Variants in DRC8 observed in about 807,000 individuals in gnomAD.
DRC8 encodes dynein regulatory complex subunit 8.
At chr1:245,082,118 C>T in the DRC8 span, 6,786 of 1,612,568 alleles carry the variant, frequency 4.2e-3, 44 homozygotes, top group Admixed American at 0.029. Context: ...ACATTCGATT[C>T]GAAAAATTTC....
chr1:244,970,049 T>C, the DRC8 span: 25 of 627,744 alleles, frequency 4.0e-5, no homozygotes, highest in African/African-American at 1.8e-4. Context: ...GAGGGGTGTG[T>C]GCGCGCGCGT....
chr1:244,996,001 G>A, the DRC8 span, among the ~76,000 whole-genome samples: 2 of 152,166 alleles, frequency 1.3e-5, no homozygotes, highest in African/African-American at 4.8e-5. Context: ...CATCTATTTT[G>A]TGGTAACAAA....
At chr1:245,124,407 A>C in the DRC8 span, 1 of 152,248 alleles carries the variant, frequency 6.6e-6, no homozygotes, top group African/African-American at 2.4e-5. Flanking sequence ...CTAGGTGTCC[A>C]GCCCCAGGAC....
the DRC8 span, among the ~76,000 whole-genome samples, chr1:245,034,857 A>C: frequency 3.1e-5 from 3 of 98,322 alleles, no homozygotes; most frequent in East Asian, 1.3e-3. Flanking sequence ...CCAATAAATG[A>C]AAGTTTTTTT....
chr1:245,019,928 G>T, the DRC8 span, among the ~76,000 whole-genome samples: 4 of 152,190 alleles, frequency 2.6e-5, no homozygotes, highest in African/African-American at 4.8e-5. Flanking sequence ...TTGCACCACT[G>T]CACTCCAGCC....
At chr1:245,109,706 A>G in the DRC8 span, among the ~76,000 whole-genome samples, 3 of 152,244 alleles carry the variant, frequency 2.0e-5, no homozygotes, top group African/African-American at 7.2e-5. Context: ...AGGTAAGGAA[A>G]TCACAGCTCG....
At chr1:245,124,624 G>A in the DRC8 span, 1 of 152,108 alleles carries the variant, frequency 6.6e-6, no homozygotes, top group South Asian at 2.1e-4. Flanking sequence ...AGAATCACAA[G>A]GCTTTTGTTT....
chr1:245,104,605 C>A, the DRC8 span, among the ~76,000 whole-genome samples: 2 of 152,100 alleles, frequency 1.3e-5, no homozygotes, highest in African/African-American at 4.8e-5. Flanking sequence ...TTCACCTATT[C>A]TCCCTCAACA....
the DRC8 span, among the ~76,000 whole-genome samples, chr1:245,041,740 G>A: frequency 2.4e-4 from 36 of 152,174 alleles, no homozygotes; most frequent in African/African-American, 8.7e-4. Context: ...CATTGGGGTG[G>A]GCCCTAATCC....
the DRC8 span, among the ~76,000 whole-genome samples, chr1:244,987,590 C>T: frequency 1.3e-5 from 2 of 151,598 alleles, no homozygotes; most frequent in Non-Finnish European, 2.9e-5. Flanking sequence ...ACTATTCCTA[C>T]CACCTCTCTC....
the DRC8 span, among the ~76,000 whole-genome samples, chr1:245,005,623 G>A: frequency 6.6e-6 from 1 of 152,110 alleles, no homozygotes; most frequent in Non-Finnish European, 1.5e-5. Flanking sequence ...GATTACAGGC[G>A]TGAGCCACTG....
the DRC8 span, among the ~76,000 whole-genome samples, chr1:245,056,678 C>T: frequency 6.6e-6 from 1 of 152,164 alleles, no homozygotes; most frequent in Non-Finnish European, 1.5e-5. Context: ...TGGCTCACGC[C>T]TGTAATCCCA....
chr1:245,120,835 G>T, the DRC8 span, among the ~76,000 whole-genome samples: 1 of 152,214 alleles, frequency 6.6e-6, no homozygotes, highest in African/African-American at 2.4e-5. Flanking sequence ...AATGCAATTT[G>T]GGCAGATTAC....
chr1:245,113,910 C>T, the DRC8 span, among the ~76,000 whole-genome samples: 1 of 152,116 alleles, frequency 6.6e-6, no homozygotes, highest in South Asian at 2.1e-4. Flanking sequence ...CAGACCTGCC[C>T]GACTCCACGG....
At chr1:245,087,690 G>A in the DRC8 span, 8 of 1,028,864 alleles carry the variant, frequency 7.8e-6, no homozygotes, top group Non-Finnish European at 9.3e-6. Context: ...AATTACCCAA[G>A]GTTTGGCATG....
chr1:245,010,685 T>C, the DRC8 span, among the ~76,000 whole-genome samples: 25 of 148,110 alleles, frequency 1.7e-4, no homozygotes, highest in East Asian at 1.8e-3. Flanking sequence ...TTCTTTCTTT[T>C]TTTTTTTTTT....
the DRC8 span, chr1:245,122,355 G>A: frequency 6.4e-6 from 1 of 155,088 alleles, no homozygotes; most frequent in African/African-American, 2.4e-5. Context: ...GAGGCAGAGT[G>A]ACTTAGTAGC....
At chr1:245,015,676 C>T in the DRC8 span, 58 of 217,598 alleles carry the variant, frequency 2.7e-4, no homozygotes, top group South Asian at 2.8e-3. Flanking sequence ...AGCCACTGCA[C>T]TCCAACCTGG....
the DRC8 span, among the ~76,000 whole-genome samples, chr1:245,048,569 A>T: frequency 6.6e-6 from 1 of 152,024 alleles, no homozygotes; most frequent in Admixed American, 6.6e-5. Context: ...TCTAAACGGT[A>T]AGAGTGTTGC....
Sources: allele counts gnomAD v4.1 joint callset (sites outside exome capture counted in the v4.1 genomes callset), GRCh38; gene constraint gnomAD v4.1.1; transcripts MANE v1.5; gene names NCBI Gene and HGNC (gene_info 2026-07-23, HGNC 2026-07-21).